The following MAP4K4 variants were observed in gnomAD, a reference collection of about 807,000 sequenced individuals.
The protein encoded by MAP4K4 is mitogen-activated protein kinase kinase kinase kinase 4.
Under a neutral mutation model 189.6 loss-of-function variants are expected in MAP4K4, and 38 were observed. The ratio of observed to expected loss-of-function variants is 0.20; its 90% confidence interval spans 0.15 to 0.26. The LOEUF (loss-of-function observed/expected upper bound fraction) is 0.26. Ranked by LOEUF, MAP4K4 falls within the 10% of genes least tolerant of loss-of-function variation. The pLI is 1.00. For missense variants in MAP4K4, 1,054 were observed against 1,726.9 expected, an observed-to-expected ratio of 0.61 and a Z score of 6.91; for synonymous variants, 610 against 624.3, an observed-to-expected ratio of 0.98 and a Z score of 0.34.
intron 28 of MAP4K4, among the ~76,000 whole-genome samples, chr2:101,884,546 A>T (rs373005995): frequency 7.2e-5 from 11 of 152,168 alleles, no homozygotes; most frequent in East Asian, 3.9e-4. Context: ...GAAATCATGG[A>T]TCTGCATTAG....
At chr2:101,818,823 C>T (rs991761610) in intron 3 of MAP4K4, among the ~76,000 whole-genome samples, 1 of 152,190 alleles carries the variant, frequency 6.6e-6, no homozygotes. Flanking sequence ...TTTGCTTCCA[C>T]TGGTTAAAGT....
At chr2:101,699,084 G>T (rs143216829) in intron 2 of MAP4K4, among the ~76,000 whole-genome samples, 1 of 152,326 alleles carries the variant, frequency 6.6e-6, no homozygotes, top group Non-Finnish European at 1.5e-5. Flanking sequence ...GCAGGGAGGA[G>T]TGTGTGTTTG....
intron 2 of MAP4K4, among the ~76,000 whole-genome samples, chr2:101,716,330 C>T (rs1247855985): frequency 1.3e-5 from 2 of 152,070 alleles, no homozygotes; most frequent in Admixed American, 1.3e-4. Context: ...GTAGTCCCAG[C>T]TACTTGGGAG....
chr2:101,733,278 C>T (rs574233092), intron 2 of MAP4K4, among the ~76,000 whole-genome samples: 1 of 152,288 alleles, frequency 6.6e-6, no homozygotes, highest in South Asian at 2.1e-4. Context: ...TGAGGAAAGG[C>T]CTCACTCTTT....
At chr2:101,718,921 G>A (rs1488634599) in intron 2 of MAP4K4, among the ~76,000 whole-genome samples, 1 of 152,186 alleles carries the variant, frequency 6.6e-6, no homozygotes, top group Non-Finnish European at 1.5e-5. Context: ...TAGTTCACTG[G>A]AACACAGCTG....
At chr2:101,856,870 T>C (rs1482833080) in intron 13 of MAP4K4, among the ~76,000 whole-genome samples, 2 of 152,236 alleles carry the variant, frequency 1.3e-5, no homozygotes, top group Admixed American at 6.5e-5. Flanking sequence ...TTTAAACTTA[T>C]AAACCATGGT....
chr2:101,801,936 G>A (rs2094412595), intron 3 of MAP4K4, among the ~76,000 whole-genome samples: 1 of 152,106 alleles, frequency 6.6e-6, no homozygotes, highest in Non-Finnish European at 1.5e-5. Context: ...TTGTATCCTG[G>A]GTGGACTACT....
rs148656928 is a variant in MAP4K4 at position 101,837,967 on chromosome 2, A to G, written c.774-1852A>G. ...TATATCCCTGTTCTAATGTTACCCA[A>G]GTGTTCTAAAAGGATGAGAAAATTA... On this transcript the variant is annotated intron_variant, in intron 9 of 32. Coordinates refer to ENST00000324219, the Ensembl canonical transcript of MAP4K4. Among the ~76,000 whole-genome samples the G allele has an allele frequency of 9.8e-4, 149 of 152,314 alleles. 1 individual carries two copies. The highest frequency in any genetic ancestry group is 3.4e-3 in the African/African-American group (141 of 41,570).
chr2:101,892,131 G>A (rs763775058), exon 33 of MAP4K4: 12 of 151,724 alleles, frequency 7.9e-5, no homozygotes, highest in East Asian at 1.9e-4. Context: ...AAACCTAGAC[G>A]TGCAACAAAA....
At chr2:101,847,099 A>G (rs992973161) in intron 12 of MAP4K4, among the ~76,000 whole-genome samples, 2 of 152,208 alleles carry the variant, frequency 1.3e-5, no homozygotes, top group African/African-American at 4.8e-5. Flanking sequence ...TAAGATTATC[A>G]TGGAGCTGAA....
intron 26 of MAP4K4, among the ~76,000 whole-genome samples, chr2:101,876,177 G>T (rs138276374): frequency 6.6e-6 from 1 of 152,256 alleles, no homozygotes; most frequent in African/African-American, 2.4e-5. Flanking sequence ...GTAGAGATCT[G>T]CAGTGGGTGG....
chr2:101,703,435 T>A (rs1273558498), intron 2 of MAP4K4, among the ~76,000 whole-genome samples: 1 of 151,712 alleles, frequency 6.6e-6, no homozygotes, highest in Non-Finnish European at 1.5e-5. Context: ...CTAGCCAACA[T>A]GGCAAAACCC....
intron 2 of MAP4K4, among the ~76,000 whole-genome samples, chr2:101,764,043 GACACAACTGTATTTACAGGGAAGT>G (rs1478683578): frequency 1.1e-4 from 17 of 152,004 alleles, no homozygotes; most frequent in African/African-American, 4.1e-4. Flanking sequence ...GGGCTATAGT[GACACAACTGTATTTACAGGGAAGT>G]CTGTGGGTTT....
intron 17 of MAP4K4, 55 bp from the exon 18 acceptor site, chr2:101,864,875 T>C (rs1371192997): frequency 1.8e-6 from 2 of 1,134,550 alleles, no homozygotes; most frequent in Admixed American, 2.4e-5. Context: ...TAGGGAAGTA[T>C]TTTTTTTCCT....
chr2:101,822,724 C>A (rs771222740), intron 3 of MAP4K4, among the ~76,000 whole-genome samples: 1 of 152,098 alleles, frequency 6.6e-6, no homozygotes, highest in Non-Finnish European at 1.5e-5. Flanking sequence ...CGTACACACA[C>A]GTCTAGGCTA....
intron 27 of MAP4K4, among the ~76,000 whole-genome samples, chr2:101,877,640 T>C (rs2098245056): frequency 6.6e-6 from 1 of 151,964 alleles, no homozygotes; most frequent in Admixed American, 6.6e-5. Context: ...CAAGCCCAGC[T>C]AATTTTTGTA....
At chr2:101,840,167 G>A (rs1332062694) in intron 10 of MAP4K4, among the ~76,000 whole-genome samples, 173 bp downstream of exon 10, 1 of 152,126 alleles carries the variant, frequency 6.6e-6, no homozygotes, top group Non-Finnish European at 1.5e-5. Flanking sequence ...GCTCCAGGTG[G>A]AGTTGGCTGG....
chr2:101,755,168 T>A (rs2071676070), intron 2 of MAP4K4, among the ~76,000 whole-genome samples: 1 of 150,288 alleles, frequency 6.7e-6, no homozygotes, highest in African/African-American at 2.4e-5. Context: ...AGTTTGTTGT[T>A]TTGATGCCCC....
intron 2 of MAP4K4, among the ~76,000 whole-genome samples, chr2:101,709,252 G>T (rs1203455047): frequency 6.6e-6 from 1 of 152,176 alleles, no homozygotes; most frequent in East Asian, 1.9e-4. Flanking sequence ...GCCCAGGCTG[G>T]AGTGCAGTGG....
Sources: gnomAD v4.1 joint callset for allele counts (sites outside exome capture counted in the v4.1 genomes callset) on GRCh38, gnomAD v4.1.1 for gene constraint, MANE v1.5 for transcripts, NCBI Gene and HGNC (gene_info 2026-07-23, HGNC 2026-07-21) for gene names.